IGF1R: variants seen among roughly 807,000 people sequenced by gnomAD.
IGF1R encodes the protein insulin like growth factor 1 receptor.
A neutral mutation model predicts 144.6 loss-of-function variants in IGF1R; 44 were observed. The ratio of observed to expected loss-of-function variants is 0.30; its 90% CI spans 0.24 to 0.39. The LOEUF is 0.39. IGF1R is among the 10% of genes least tolerant of loss of function. The probability of loss-of-function intolerance (pLI) is 1.00; values close to 1 mark genes in which losing one functional copy is unlikely to be tolerated. For missense variants in IGF1R, 1,355 were observed against 1,833.7 expected (o/e 0.74, Z 4.77); for synonymous variants, 795 against 722.8 (o/e 1.10, Z -1.60).
At chr15:98,768,930 A>AAACAACAACAAC (rs56709467) in intron 2 of IGF1R, among the ~76,000 whole-genome samples, 65 of 16,488 alleles carry the variant, frequency 3.9e-3, no homozygotes, top group African/African-American at 4.3e-3. Flanking sequence ...TCCGTCTCAA[A>AAACAACAACAAC]AACAACAACA....
intron 20 of IGF1R, among the ~76,000 whole-genome samples, chr15:98,951,469 C>T (rs1437999721): frequency 6.6e-6 from 1 of 152,246 alleles, no homozygotes; most frequent in Non-Finnish European, 1.5e-5. Flanking sequence ...CGCAGTATAA[C>T]AAACTACCCA....
intron 1 of IGF1R, among the ~76,000 whole-genome samples, chr15:98,665,203 G>A (rs955968066): frequency 7.9e-5 from 12 of 152,174 alleles, no homozygotes; most frequent in South Asian, 2.1e-4. Context: ...CGCCCACCTC[G>A]GCCTCCCAAA....
At chr15:98,907,878 C>T (rs1310527559) in intron 5 of IGF1R, among the ~76,000 whole-genome samples, 1 of 152,244 alleles carries the variant, frequency 6.6e-6, no homozygotes, top group Non-Finnish European at 1.5e-5. Flanking sequence ...ATTGCTGGTT[C>T]TCCACGTGTG....
At chr15:98,694,125 T>A (rs2053543113) in intron 1 of IGF1R, among the ~76,000 whole-genome samples, 1 of 152,254 alleles carries the variant, frequency 6.6e-6, no homozygotes, top group Non-Finnish European at 1.5e-5. Flanking sequence ...GGCATACTTT[T>A]ATTCCTCTGG....
intron 2 of IGF1R, among the ~76,000 whole-genome samples, chr15:98,733,615 G>C (rs2054546248): frequency 6.6e-6 from 1 of 152,020 alleles, no homozygotes; most frequent in Non-Finnish European, 1.5e-5. Context: ...TTTGAGTGAA[G>C]AGCCCTCCAA....
At chr15:98,939,465 G>A (rs2016285085) in intron 18 of IGF1R, 105 bp downstream of exon 18, 5 of 1,037,146 alleles carry the variant, frequency 4.8e-6, no homozygotes, top group Non-Finnish European at 4.6e-6. Context: ...TGTGTCCCTT[G>A]AGTGCACGGA....
chr15:98,939,546 G>T (rs1168102201), intron 18 of IGF1R, among the ~76,000 whole-genome samples, 186 bp downstream of exon 18: 2 of 152,172 alleles, frequency 1.3e-5, no homozygotes, highest in Non-Finnish European at 2.9e-5. Context: ...TCCCAATGCT[G>T]ATAGCTCATG....
intron 2 of IGF1R, among the ~76,000 whole-genome samples, chr15:98,861,241 A>G (rs977298474): frequency 8.5e-5 from 13 of 152,226 alleles, no homozygotes; most frequent in Non-Finnish European, 5.9e-5. Context: ...ACCTAGTTCA[A>G]TGACATAGTA....
intron 2 of IGF1R, among the ~76,000 whole-genome samples, chr15:98,772,510 A>G (rs925584): frequency 0.07 from 9,913 of 141,882 alleles, 518 homozygotes; most frequent in East Asian, 0.12. Flanking sequence ...TATTATTATT[A>G]TTATTTTAAG....
At chr15:98,841,896 G>T (rs1436263828) in intron 2 of IGF1R, among the ~76,000 whole-genome samples, 2 of 152,122 alleles carry the variant, frequency 1.3e-5, no homozygotes, top group African/African-American at 4.8e-5. Flanking sequence ...CTGGAAAAGG[G>T]GCTTCTACAC....
At chr15:98,948,387 A>G (rs1364526675) in intron 19 of IGF1R, among the ~76,000 whole-genome samples, 187 bp from the exon 20 acceptor site, 1 of 152,184 alleles carries the variant, frequency 6.6e-6, no homozygotes, top group Non-Finnish European at 1.5e-5. Context: ...TACGGGGAAC[A>G]TTAGCAGCAA....
At chr15:98,946,419 T>G (rs2016556476) in intron 19 of IGF1R, among the ~76,000 whole-genome samples, 1 of 152,142 alleles carries the variant, frequency 6.6e-6, no homozygotes, top group African/African-American at 2.4e-5. Context: ...GTGCTTGAAG[T>G]TCTTGTTAGC....
At chr15:98,749,172 T>A (rs1311213941) in intron 2 of IGF1R, among the ~76,000 whole-genome samples, 1 of 152,066 alleles carries the variant, frequency 6.6e-6, no homozygotes, top group African/African-American at 2.4e-5. Context: ...AAATCCTTTT[T>A]TTTTTTTTTA....
chr15:98,884,443 C>G (rs561857401), intron 2 of IGF1R, among the ~76,000 whole-genome samples: 9 of 152,202 alleles, frequency 5.9e-5, no homozygotes, highest in African/African-American at 2.2e-4. Flanking sequence ...ACCTGTAATC[C>G]CAGCACTTTG....
intron 2 of IGF1R, among the ~76,000 whole-genome samples, chr15:98,758,921 A>G (rs1381614257): frequency 6.6e-6 from 1 of 152,242 alleles, no homozygotes; most frequent in African/African-American, 2.4e-5. Flanking sequence ...AAAGATGTGC[A>G]TGTCTGCATT....
intron 2 of IGF1R, among the ~76,000 whole-genome samples, chr15:98,819,912 T>TCAC (rs2056770466): frequency 6.6e-6 from 1 of 152,166 alleles, no homozygotes; most frequent in Non-Finnish European, 1.5e-5. Flanking sequence ...GCTGCCAATA[T>TCAC]CACACAGCTT....
rs149550518 is a variant in IGF1R, at chr15:98,914,634, A to C, written c.1829-1330A>C. ...AATTTGGAAGTAACCCCTGGCCAGC[A>C]ATTCACTGTAGTGTTTGGGAAACAT... On this transcript the variant is annotated intron_variant, in intron 8 of 20. Coordinates refer to ENST00000650285, the MANE Select transcript of IGF1R (RefSeq NM_000875.5). Among the ~76,000 whole-genome samples the C allele has an allele frequency of 1.4e-3, 215 of 152,310 alleles. 4 individuals carry two copies. In the East Asian group the frequency reaches 0.029, roughly 21 times the overall value.
chr15:98,793,267 T>G (rs932628491), intron 2 of IGF1R, among the ~76,000 whole-genome samples: 11 of 152,210 alleles, frequency 7.2e-5, no homozygotes, highest in African/African-American at 2.7e-4. Flanking sequence ...GTCTCCCCTT[T>G]AGAAAAGGAA....
At chr15:98,659,469 A>T (rs150780146) in intron 1 of IGF1R, among the ~76,000 whole-genome samples, 2 of 152,310 alleles carry the variant, frequency 1.3e-5, no homozygotes, top group East Asian at 3.9e-4. Flanking sequence ...AAGGAGGAAG[A>T]TAGCGATCCC....
Sources: allele counts gnomAD v4.1 joint callset (sites outside exome capture counted in the v4.1 genomes callset), GRCh38; gene constraint gnomAD v4.1.1; transcripts MANE v1.5; gene names NCBI Gene and HGNC (gene_info 2026-07-23, HGNC 2026-07-21).